Variants in PIK3R5 observed in about 807,000 individuals in gnomAD.
The protein encoded by PIK3R5 is phosphoinositide 3-kinase regulatory subunit 5.
A neutral mutation model predicts 94.9 loss-of-function variants in PIK3R5; 32 were observed. The observed-to-expected ratio is 0.34, with a 90% CI of 0.25 to 0.45. The LOEUF is 0.45. Ranked by LOEUF, PIK3R5 falls within the 20% of genes least tolerant of loss-of-function variation. The pLI is 1.00. For missense variants in PIK3R5, 853 were observed against 1,144.6 expected, an observed-to-expected ratio of 0.75 and a Z score of 3.68; for synonymous variants, 443 against 479.4, an observed-to-expected ratio of 0.92 and a Z score of 0.99.
At position 8,888,671 on chromosome 17, in the gene PIK3R5, C is replaced by A; in HGVS notation, c.1116G>T (p.Ser372=). The change falls in exon 10 of 19, where the codon TCG becomes TCT. Residue 372 remains serine, a synonymous_variant. Coordinates refer to ENST00000447110, the MANE Select transcript of PIK3R5 (RefSeq NM_001142633.3). This position sits in a 1 kb window ranked among gnomAD's most constrained non-coding sequence, Gnocchi z 7.8. The stretch of plus-strand genomic sequence containing the variant: ...AGACAAAGGAAGTCAGCAGATGGCG[C>A]GAGAGGGCCGGCCCCGAGGCCTGGG... ...ASSQASGPAL[S]RHLLTSFVSG... 2 of 1,613,840 alleles carry A rather than the reference C, an allele frequency of 1.2e-6. No individual in the cohort carries two copies. Among genetic ancestry groups the A allele is most frequent in the South Asian group, 1.1e-5 (1 of 91,082 alleles).
At position 8,893,034 on chromosome 17, in the gene PIK3R5, A is replaced by G. The variant is rs925411129; in HGVS notation, c.482+552T>C. Among the ~76,000 whole-genome samples, 1 of 149,208 alleles carries G rather than the reference A, an allele frequency of 6.7e-6. No individual in the cohort carries two copies. Among genetic ancestry groups the G allele is most frequent in the Non-Finnish European group, 1.5e-5 (1 of 67,698 alleles). On this transcript the variant is annotated intron_variant, in intron 6 of 18. Transcript: ENST00000447110. This position sits in a 1 kb window ranked among gnomAD's most constrained non-coding sequence, Gnocchi z 5.1. ...AGCTCATCCTATGTAACCAGGATAC[A>G]TTTCATTTCAGCTGTGTGTGTGTGT...
intron 5 of PIK3R5, among the ~76,000 whole-genome samples, chr17:8,897,036 G>C (rs542787350): frequency 4.6e-5 from 7 of 152,302 alleles, no homozygotes; most frequent in East Asian, 1.9e-4. Flanking sequence ...CCCACAGCAG[G>C]GTTTCTCTTA....
Position 8,893,078 on chromosome 17 carries a change from GTGTGTGTT to G in PIK3R5, c.482+500_482+507del, listed in dbSNP as rs144158295. Among the ~76,000 whole-genome samples the G allele has an allele frequency of 6.7e-3, 728 of 108,464 alleles. 8 individuals are homozygous for G. Among genetic ancestry groups the G allele is most frequent in the East Asian group, 0.026 (99 of 3,764 alleles). 71.2% of individuals were successfully genotyped at this position (108,464 alleles called of 152,430 possible). On this transcript the variant is annotated intron_variant, in intron 6 of 18. Coordinates refer to ENST00000447110, the MANE Select transcript of PIK3R5 (RefSeq NM_001142633.3). This position sits in a 1 kb window ranked among gnomAD's most constrained non-coding sequence, Gnocchi z 5.1. ...TGTGTGTGTGTGTGTGTGTGTGTGT[GTGTGTGTT>G]TGTGTATCAGGCTGTCATATAAAAT...
At chr17:8,883,862 G>T (rs2089743686) in intron 15 of PIK3R5, among the ~76,000 whole-genome samples, 1 of 152,192 alleles carries the variant, frequency 6.6e-6, no homozygotes, top group African/African-American at 2.4e-5. Flanking sequence ...CTAGAACAGT[G>T]CCTGGGCTGT....
chr17:8,923,675 T>C (rs1281205509), intron 1 of PIK3R5, among the ~76,000 whole-genome samples: 1 of 152,196 alleles, frequency 6.6e-6, no homozygotes, highest in African/African-American at 2.4e-5. Context: ...CTTGGGCACT[T>C]ACACGGGAGA....
Position 8,911,818 on chromosome 17 carries a change from C to A in PIK3R5, c.-13-311G>T. ...GGGCAGTGGGAAGTGTCGCCAAGTA[C>A]CCAGGGAGTGGTCAGACCCCAGTGG... On this transcript the variant is annotated intron_variant, in intron 1 of 18. Transcript: ENST00000447110. This position sits in a 1 kb window ranked among gnomAD's most constrained non-coding sequence, Gnocchi z 5.3. The A allele has an allele frequency of 4.6e-6, 1 of 217,384 alleles. No homozygotes were observed. Among genetic ancestry groups the A allele is most frequent in the Non-Finnish European group, 9.2e-6 (1 of 108,440 alleles). 13.5% of individuals were successfully genotyped at this position (217,384 alleles called of 1,614,324 possible).
At position 8,964,542 on chromosome 17, in the gene PIK3R5, T is replaced by C. The variant is rs143806991; in HGVS notation, c.-14+1054A>G. On this transcript the variant is annotated intron_variant, in intron 1 of 18. Transcript: ENST00000447110. ...TTGGAACTTGGGTCTCTTTTCCACA[T>C]CATGCATGGTTCCCAAGCAACGGCT... 2.7e-4 allele frequency among the ~76,000 whole-genome samples: 41 copies of C among 152,288 alleles called. No homozygotes were observed. The East Asian group carries it at 7.7e-3, about 29-fold the overall frequency.
At chr17:8,941,335 G>A (rs1335039107) in intron 1 of PIK3R5, among the ~76,000 whole-genome samples, 8 of 152,110 alleles carry the variant, frequency 5.3e-5, no homozygotes, top group Non-Finnish European at 1.0e-4. Context: ...GCAGTGATTC[G>A]GGTTGGGGGA....
In PIK3R5 at chr17:8,881,368, C is replaced by G. The variant is rs1484171635; in HGVS notation, c.2382+262G>C. 6.6e-6 allele frequency among the ~76,000 whole-genome samples: 1 copy of G among 152,036 alleles called. No individual in the cohort carries two copies. The highest frequency in any genetic ancestry group is 1.5e-5 in the Non-Finnish European group (1 of 67,990). ...CCACCCCACAACTTTTCCACATACACGCGTCCTCTCACAGGGCACCCCTAC... is the reference window on the plus strand; with the variant it reads ...CCACCCCACAACTTTTCCACATACAGGCGTCCTCTCACAGGGCACCCCTAC... On this transcript the variant is annotated intron_variant, in intron 17 of 18. Transcript: ENST00000447110. The surrounding 1 kb of genome is among the most constrained non-coding windows in gnomAD (Gnocchi z 4.8).
At position 8,889,910 on chromosome 17, in the gene PIK3R5, A is replaced by G; in HGVS notation, c.811+63T>C. ...GCCACCAGGCCCGCCTGGACCGTGC[A>G]CCTTGGGACCTAGAATAGGCCATGG... is the stretch of plus-strand genomic sequence containing the variant. On this transcript the variant is annotated intron_variant, in intron 8 of 18. Coordinates refer to ENST00000447110, the MANE Select transcript of PIK3R5 (RefSeq NM_001142633.3). This position sits in a 1 kb window ranked among gnomAD's most constrained non-coding sequence, Gnocchi z 4.1. 5 of 1,580,954 alleles carry G rather than the reference A, an allele frequency of 3.2e-6. No homozygotes were observed. The highest frequency in any genetic ancestry group is 4.3e-6 in the Non-Finnish European group (5 of 1,153,150).
At position 8,890,897 on chromosome 17, in the gene PIK3R5, C is replaced by G. The variant is rs762323673; in HGVS notation, c.498G>C (p.Leu166=). Residue 166 remains leucine, a synonymous_variant, in exon 7 of 19, where the codon CTG becomes CTC. Transcript: ENST00000447110. The surrounding 1 kb of genome is among the most constrained non-coding windows in gnomAD (Gnocchi z 6.1). ...HRSSTVTVLL[L]NPVEVQAEFL... The stretch of plus-strand genomic sequence containing the variant: ...ACTCGGCCTGCACTTCCACTGGGTT[C>G]AGCAGCAGCACGGTGCTGGGGACAC... 17 of 1,613,602 alleles carry G rather than the reference C, an allele frequency of 1.1e-5. No individual in the cohort carries two copies. The highest frequency in any genetic ancestry group is 1.7e-5 in the Admixed American group (1 of 59,934).
chr17:8,898,569 G>A (rs144356244), intron 5 of PIK3R5, among the ~76,000 whole-genome samples: 1 of 152,132 alleles, frequency 6.6e-6, no homozygotes, highest in Admixed American at 6.5e-5. Flanking sequence ...CATAAATGTC[G>A]AGCCTTCAGT....
intron 10 of PIK3R5, 71 bp from the exon 11 acceptor site, chr17:8,887,754 A>T (rs904964838): frequency 2.1e-6 from 3 of 1,441,116 alleles, no homozygotes; most frequent in Non-Finnish European, 2.8e-6. Flanking sequence ...GCACTTTGGG[A>T]GGCTGAGGTG....
chr17:8,919,245 G>A (rs2090685294), intron 1 of PIK3R5, among the ~76,000 whole-genome samples: 3 of 152,198 alleles, frequency 2.0e-5, no homozygotes, highest in African/African-American at 7.2e-5. Flanking sequence ...TTTGATAACT[G>A]CACCATGTTT....
Position 8,904,628 on chromosome 17 carries a change from A to G in PIK3R5, c.412+149T>C. ...TCAGATGCTTGATGGTGCTGTGAAG[A>G]GGAGACTCCATGTTTGTGAACCAAG... On this transcript the variant is annotated intron_variant, in intron 5 of 18. Transcript: ENST00000447110. The surrounding 1 kb of genome is among the most constrained non-coding windows in gnomAD (Gnocchi z 5.1). 1.4e-6 allele frequency: 1 copy of G among 702,176 alleles called. No homozygotes were observed. Among genetic ancestry groups the G allele is most frequent in the Non-Finnish European group, 2.4e-6 (1 of 410,102 alleles). The allele number at this position is 702,176 out of a possible 1,614,324, so 43.5% of individuals were successfully genotyped here.
At position 8,904,706 on chromosome 17, in the gene PIK3R5, A is replaced by G; in HGVS notation, c.412+71T>C. 11 of 1,509,764 alleles carry G rather than the reference A, an allele frequency of 7.3e-6. No homozygotes were observed. The highest frequency in any genetic ancestry group is 1.0e-5 in the Non-Finnish European group (11 of 1,098,696). 93.5% of individuals were successfully genotyped at this position (1,509,764 alleles called of 1,614,324 possible). A position where few individuals can be genotyped will look rare whatever the true frequency, so the allele number is the denominator to read the frequency against. On this transcript the variant is annotated intron_variant, in intron 5 of 18. Coordinates refer to ENST00000447110, the MANE Select transcript of PIK3R5 (RefSeq NM_001142633.3). The surrounding 1 kb of genome is among the most constrained non-coding windows in gnomAD (Gnocchi z 5.1). ...CAAGGTAAGGAGGGTCACAAAAAACAGTTTCAGAGGAGTTGGAAGCATTCT... is the reference window on the plus strand; with the variant it reads ...CAAGGTAAGGAGGGTCACAAAAAACGGTTTCAGAGGAGTTGGAAGCATTCT...
intron 3 of PIK3R5, among the ~76,000 whole-genome samples, chr17:8,908,006 T>G (rs2151406711): frequency 6.6e-6 from 1 of 152,326 alleles, no homozygotes; most frequent in African/African-American, 2.4e-5. Flanking sequence ...TTGCATTTAT[T>G]TTAGTATCGC....
At chr17:8,941,720 G>T (rs2091184370) in intron 1 of PIK3R5, among the ~76,000 whole-genome samples, 1 of 152,182 alleles carries the variant, frequency 6.6e-6, no homozygotes, top group Admixed American at 6.5e-5. Context: ...CCCGAGAGGA[G>T]TGTGGCCAGG....
chr17:8,905,716 C>G lies in PIK3R5; in HGVS notation c.226G>C (p.Asp76His). ...AGCAGGGCCAGCGGGGTGAGCAGGT[C>G]GTAGGTGCCCTTCTCCTGGACCTGT... ...TREVQEKGTY[D>H]LLTPLALLFY... Residue 76 changes from aspartate (D) to histidine (H), a missense_variant, in exon 4 of 19, where the codon GAC (aspartate) becomes CAC (histidine). Asp to His is a moderately conservative substitution (Grantham distance 81). Transcript: ENST00000447110. 1.2e-6 allele frequency: 2 copies of G among 1,605,142 alleles called. No homozygotes were observed. Among genetic ancestry groups the G allele is most frequent in the Non-Finnish European group, 1.7e-6 (2 of 1,176,032 alleles).
Sources: allele counts gnomAD v4.1 joint callset (sites outside exome capture counted in the v4.1 genomes callset), GRCh38; gene constraint gnomAD v4.1.1; non-coding constraint Gnocchi (gnomAD v3.1); transcripts MANE v1.5; gene names NCBI Gene and HGNC (gene_info 2026-07-23, HGNC 2026-07-21).